The following GOLGA5 variants were observed in gnomAD, a reference collection of about 807,000 sequenced individuals.
GOLGA5 encodes the protein golgin subfamily A member 5.
GOLGA5 carries 50 observed loss-of-function variants against 93.5 expected under a neutral mutation model. That is an observed-to-expected ratio of 0.53 (90% CI 0.43 to 0.68). The LOEUF (loss-of-function observed/expected upper bound fraction) is 0.68, where lower values mean the gene tolerates loss of function less well. Ranked by LOEUF, GOLGA5 falls within the 30% of genes least tolerant of loss-of-function variation. The probability of loss-of-function intolerance (pLI) is 0.00; values close to 1 mark genes in which losing one functional copy is unlikely to be tolerated. For missense variants in GOLGA5, 760 were observed against 856.4 expected (o/e 0.89, Z 1.40); for synonymous variants, 312 against 304.5 (o/e 1.02, Z -0.26).
chr14:92,833,103 T>C lies in GOLGA5; in HGVS notation c.1720-19T>C, dbSNP rs887191955. ...ACTTTCATTTTATGTAAGAATTTTGTGAACACTTTCTCTTTCAGCTTACCA... is the reference window on the plus strand; with the variant it reads ...ACTTTCATTTTATGTAAGAATTTTGCGAACACTTTCTCTTTCAGCTTACCA... On this transcript the variant is annotated intron_variant, in intron 9 of 12. Coordinates refer to ENST00000163416, the MANE Select transcript of GOLGA5 (RefSeq NM_005113.4). The C allele has an allele frequency of 7.3e-7, 1 of 1,366,946 alleles. No homozygotes were observed. The highest frequency in any genetic ancestry group is 1.7e-5 in the Admixed American group (1 of 59,450). 84.7% of individuals were successfully genotyped at this position (1,366,946 alleles called of 1,614,324 possible).
chr14:92,838,057 A>G (rs1269324027), intron 12 of GOLGA5, among the ~76,000 whole-genome samples: 1 of 152,210 alleles, frequency 6.6e-6, no homozygotes, highest in Non-Finnish European at 1.5e-5. Context: ...AATACAAAAC[A>G]ATTTTTTATC....
intron 6 of GOLGA5, among the ~76,000 whole-genome samples, chr14:92,815,918 G>A (rs935065122): frequency 3.3e-5 from 5 of 151,638 alleles, no homozygotes; most frequent in African/African-American, 1.2e-4. Context: ...TATTAGCCAG[G>A]ATGGTCTCGA....
chr14:92,814,860 C>CA (rs1167792542), intron 6 of GOLGA5, among the ~76,000 whole-genome samples: 1 of 151,968 alleles, frequency 6.6e-6, no homozygotes, highest in African/African-American at 2.4e-5. Context: ...TTGAGAGGGT[C>CA]AAATAGTAAA....
intron 5 of GOLGA5, among the ~76,000 whole-genome samples, chr14:92,810,889 G>A (rs1467473435): frequency 6.6e-6 from 1 of 152,226 alleles, no homozygotes; most frequent in Non-Finnish European, 1.5e-5. Context: ...GTATGAGGTA[G>A]GGACTAGGTA....
At chr14:92,833,051 G>A (rs989795083) in intron 9 of GOLGA5, 71 bp from the exon 10 acceptor site, 1 of 828,050 alleles carries the variant, frequency 1.2e-6, no homozygotes, top group Non-Finnish European at 2.1e-6. Flanking sequence ...CTATGAAAAT[G>A]TAGTAGTGTG....
At chr14:92,805,523 G>A (rs1884965869) in intron 2 of GOLGA5, among the ~76,000 whole-genome samples, 1 of 152,118 alleles carries the variant, frequency 6.6e-6, no homozygotes, top group Admixed American at 6.5e-5. Context: ...TGGAATTGCT[G>A]GGTGAAACGG....
intron 9 of GOLGA5, among the ~76,000 whole-genome samples, chr14:92,827,471 T>C (rs1885446718): frequency 1.3e-5 from 2 of 152,226 alleles, no homozygotes; most frequent in Admixed American, 1.3e-4. Context: ...ATGTGTGTGT[T>C]CTGACAGCTC....
intron 2 of GOLGA5, among the ~76,000 whole-genome samples, chr14:92,805,517 A>G (rs1884965753): frequency 6.6e-6 from 1 of 152,188 alleles, no homozygotes; most frequent in Non-Finnish European, 1.5e-5. Context: ...TAGGAGTGGA[A>G]TTGCTGGGTG....
intron 9 of GOLGA5, among the ~76,000 whole-genome samples, chr14:92,832,737 T>C (rs1310365190): frequency 6.6e-6 from 1 of 152,194 alleles, no homozygotes; most frequent in East Asian, 1.9e-4. Context: ...GTGGATTGTG[T>C]CCTCTAAACC....
rs537724941 is a variant in GOLGA5 at position 92,833,405 on chromosome 14, A to G, written c.1945+58A>G. On this transcript the variant is annotated intron_variant, in intron 10 of 12. Transcript: ENST00000163416. ...CATTCAAACATGCTTTTGAAAAGTT[A>G]TAGAAGGACTATTTTTATTTGAAAG... is the stretch of plus-strand genomic sequence containing the variant. The G allele has an allele frequency of 6.7e-6, 8 of 1,200,726 alleles. No homozygotes were observed. In the Admixed American group the frequency reaches 1.3e-4, roughly 19 times the overall value. The allele number at this position is 1,200,726 out of a possible 1,614,324, so 74.4% of individuals were successfully genotyped here.
chr14:92,810,832 T>C (rs907084166), intron 5 of GOLGA5: 6 of 156,142 alleles, frequency 3.8e-5, no homozygotes, highest in African/African-American at 1.4e-4. Context: ...GAATCACTTG[T>C]GTGATACCTT....
At chr14:92,810,584 A>T (rs1260130055) in intron 5 of GOLGA5, 7 of 342,674 alleles carry the variant, frequency 2.0e-5, no homozygotes, top group Non-Finnish European at 3.7e-5. Flanking sequence ...CAATTAAAAT[A>T]GTTAATGTGC....
At chr14:92,817,670 A>G (rs1247249328) in intron 7 of GOLGA5, among the ~76,000 whole-genome samples, 10 of 152,160 alleles carry the variant, frequency 6.6e-5, no homozygotes, top group Admixed American at 1.3e-4. Flanking sequence ...TTTGTAGAGA[A>G]TGTTCATCCA....
At chr14:92,807,057 T>TGGGAGGCCGAGGCGGGCGGATTGCCTG (rs1885003026) in intron 3 of GOLGA5, 94 bp downstream of exon 3, 1 of 833,296 alleles carries the variant, frequency 1.2e-6, no homozygotes, top group Admixed American at 2.1e-5. Context: ...CCCAGCACTT[T>TGGGAGGCCGAGGCGGGCGGATTGCCTG]GGGAGGCCGA....
At chr14:92,837,566 T>G in intron 12 of GOLGA5, 117 bp downstream of exon 12, 1 of 635,200 alleles carries the variant, frequency 1.6e-6, no homozygotes, top group Non-Finnish European at 2.8e-6. Context: ...TCAATCAATT[T>G]TTTTTTGTTT....
intron 1 of GOLGA5, among the ~76,000 whole-genome samples, chr14:92,795,082 A>T (rs1884694706): frequency 1.3e-5 from 1 of 77,794 alleles, no homozygotes; most frequent in African/African-American, 7.2e-5. Flanking sequence ...AGATATAAAG[A>T]ATTAATGAGC....
chr14:92,805,379 TTATC>T (rs753735649), intron 2 of GOLGA5, among the ~76,000 whole-genome samples: 17 of 152,330 alleles, frequency 1.1e-4, no homozygotes, highest in Admixed American at 2.0e-4. Context: ...GTACCACAGT[TTATC>T]TATTCTCTTT....
intron 8 of GOLGA5, among the ~76,000 whole-genome samples, chr14:92,820,264 C>G (rs1485397040): frequency 6.6e-6 from 1 of 152,174 alleles, no homozygotes; most frequent in Non-Finnish European, 1.5e-5. Flanking sequence ...GAATCTGTGT[C>G]ACAAATAAGT....
At chr14:92,804,724 C>T (rs1204257900) in intron 2 of GOLGA5, among the ~76,000 whole-genome samples, 2 of 143,294 alleles carry the variant, frequency 1.4e-5, no homozygotes, top group African/African-American at 2.7e-5. Context: ...GGTGCAGTCT[C>T]AGCTCATTGC....
Sources: allele counts gnomAD v4.1 joint callset (sites outside exome capture counted in the v4.1 genomes callset), GRCh38; gene constraint gnomAD v4.1.1; transcripts MANE v1.5; gene names NCBI Gene and HGNC (gene_info 2026-07-23, HGNC 2026-07-21).